The following PLAT variants were observed in gnomAD, a reference collection of about 807,000 sequenced individuals.
PLAT encodes tissue-type plasminogen activator.
PLAT carries 48 observed loss-of-function variants against 74.9 expected under a neutral mutation model. The ratio of observed to expected loss-of-function variants is 0.64; its 90% CI spans 0.51 to 0.82. The LOEUF is 0.82. PLAT is among the 40% of genes least tolerant of loss of function. PLAT has a pLI of 0.00. For missense variants in PLAT, 673 were observed against 736.2 expected, an observed-to-expected ratio of 0.91 and a Z score of 0.99; for synonymous variants, 307 against 294.4, an observed-to-expected ratio of 1.04 and a Z score of -0.44.
chr8:42,189,017 A>G lies in PLAT; in HGVS notation c.170T>C (p.Leu57Pro). 1 of 1,614,102 alleles carries G rather than the reference A, an allele frequency of 6.2e-7. No homozygotes were observed. Among genetic ancestry groups the G allele is most frequent in the Non-Finnish European group, 8.5e-7 (1 of 1,179,950 alleles). The stretch of plus-strand genomic sequence containing the variant: ...CCGGTTGCTTCTGAGCACAGGGCGC[A>G]GCCATGACTGATGTTGCTGGTATAT... ...QMIYQQHQSW[L>P]RPVLRSNRVE... Residue 57 changes from leucine to proline, a missense_variant, in exon 4 of 14, where the codon CTG becomes CCG. Coordinates refer to ENST00000220809, the MANE Select transcript of PLAT (RefSeq NM_000930.5).
intron 1 of PLAT, among the ~76,000 whole-genome samples, chr8:42,204,815 C>T (rs751689640): frequency 9.2e-5 from 14 of 151,570 alleles, no homozygotes; most frequent in Admixed American, 2.6e-4. Flanking sequence ...GTCAGGAGTT[C>T]GAGACCAGCC....
In PLAT at chr8:42,193,110, C is replaced by A. The variant is rs1805748270; in HGVS notation, c.72+4G>T. 6.2e-7 allele frequency: 1 copy of A among 1,609,488 alleles called. No homozygotes were observed. ...GGCGGGACACAGGGATCCTGCACACCAACCTGGCTGGGCGAAACGAAGACT... is the reference window on the plus strand; with the variant it reads ...GGCGGGACACAGGGATCCTGCACACAAACCTGGCTGGGCGAAACGAAGACT... On this transcript the variant is annotated splice_donor_region_variant and intron_variant, in intron 2 of 13. Transcript: ENST00000220809.
Position 42,180,255 on chromosome 8 carries a change from G to C in PLAT, c.1209C>G (p.Tyr403Ter), listed in dbSNP as rs767986898. The change falls in exon 11 of 14, where the codon TAC becomes TAG. Residue 403 changes from tyrosine (Y) to a stop codon, truncating the protein, a stop_gained. Transcript: ENST00000220809. LOFTEE classifies it high-confidence loss of function. ...ACGAGCTCTTACCAATGTCATTGTC[G>C]TAAGTGTCATCATCGAATTCCTTAT... ...IVHKEFDDDT[Y>*]DNDIALLQLK... is the part of the protein sequence containing the mutation. 1.9e-6 allele frequency: 3 copies of C among 1,614,082 alleles called. No individual in the cohort carries two copies. Among genetic ancestry groups the C allele is most frequent in the Non-Finnish European group, 2.5e-6 (3 of 1,180,022 alleles).
At chr8:42,202,374 C>G (rs1806165365) in intron 1 of PLAT, among the ~76,000 whole-genome samples, 1 of 151,930 alleles carries the variant, frequency 6.6e-6, no homozygotes. Context: ...GTTTAGCATC[C>G]CCTCCCAGTC....
intron 9 of PLAT, 122 bp from the exon 10 acceptor site, chr8:42,180,807 C>T: frequency 1.5e-6 from 1 of 678,314 alleles, no homozygotes; most frequent in Non-Finnish European, 2.4e-6. Flanking sequence ...GATCAGCATG[C>T]CGAATGTTGT....
At position 42,193,051 on chromosome 8, in the gene PLAT, C is replaced by T; in HGVS notation, c.72+63G>A. The T allele has an allele frequency of 3.4e-6, 4 of 1,169,046 alleles. No individual in the cohort carries two copies. The East Asian group carries it at 9.3e-5, about 27-fold the overall frequency. The allele number at this position is 1,169,046 out of a possible 1,614,324, so 72.4% of individuals were successfully genotyped here. A position where few individuals can be genotyped will look rare whatever the true frequency, so the allele number is the denominator to read the frequency against. Reference sequence around the variant, plus strand: ...CTCCGTGGCCCAGATGGACACAGACCCCTGGAGCCTCCGGAAGCATCACAG... The same window carrying T: ...CTCCGTGGCCCAGATGGACACAGACTCCTGGAGCCTCCGGAAGCATCACAG... On this transcript the variant is annotated intron_variant, in intron 2 of 13. Coordinates refer to ENST00000220809, the MANE Select transcript of PLAT (RefSeq NM_000930.5).
intron 6 of PLAT, chr8:42,186,949 TATC>T (rs1242887654): frequency 3.2e-5 from 5 of 154,016 alleles, no homozygotes; most frequent in African/African-American, 4.8e-5. Context: ...TCAATCTGTC[TATC>T]ATCTATGTGT....
At chr8:42,185,268 G>A (rs1265640613) in intron 6 of PLAT, 96 bp from the exon 7 acceptor site, 2 of 660,358 alleles carry the variant, frequency 3.0e-6, no homozygotes, top group Non-Finnish European at 5.0e-6. Flanking sequence ...GGAGGAATGG[G>A]GGGTGCTTTT....
intron 9 of PLAT, 116 bp downstream of exon 9, chr8:42,181,821 G>T: frequency 2.0e-6 from 1 of 503,640 alleles, no homozygotes; most frequent in Non-Finnish European, 3.7e-6. Flanking sequence ...CACCCAGCCT[G>T]GAAGTCTGGT....
intron 1 of PLAT, among the ~76,000 whole-genome samples, chr8:42,201,529 C>T (rs1806131199): frequency 6.6e-6 from 1 of 152,190 alleles, no homozygotes; most frequent in South Asian, 2.1e-4. Context: ...AATCCTGCTT[C>T]CTAGATCATC....
At chr8:42,176,333 ACTGT>A (rs1379851754) in intron 13 of PLAT, among the ~76,000 whole-genome samples, 182 bp from the exon 14 acceptor site, 5 of 152,248 alleles carry the variant, frequency 3.3e-5, no homozygotes, top group Admixed American at 2.0e-4. Flanking sequence ...GTCTGGGGAC[ACTGT>A]CTGCCTGGGT....
intron 1 of PLAT, among the ~76,000 whole-genome samples, chr8:42,195,312 G>A (rs1805865782): frequency 2.0e-5 from 3 of 152,174 alleles, no homozygotes; most frequent in Non-Finnish European, 4.4e-5. Context: ...GTCAGGCAGA[G>A]GAGCTTAGGG....
chr8:42,193,525 A>G (rs935225359), intron 1 of PLAT: 4 of 233,838 alleles, frequency 1.7e-5, no homozygotes, highest in Non-Finnish European at 3.4e-5. Context: ...CCTAACTGAA[A>G]CTCTGTAGCC....
chr8:42,194,619 C>T lies in PLAT; in HGVS notation c.-26-1408G>A, dbSNP rs369908674. On this transcript the variant is annotated intron_variant, in intron 1 of 13. Transcript: ENST00000220809. ...TGCCCTGGGCTTGACTAGATGGAGC[C>T]GCAGTCATGTCCTCTTGGACTTCTG... 3.9e-5 allele frequency among the ~76,000 whole-genome samples: 6 copies of T among 152,150 alleles called. No homozygotes were observed. The East Asian group carries it at 7.7e-4, about 20-fold the overall frequency.
chr8:42,176,118 C>T lies in PLAT; in HGVS notation c.1564G>A (p.Asp522Asn), dbSNP rs1320916062. ...ATGCCCACCAAAGTCATGCGGCCAT[C>T]GTTCAGACACACCAGGGGGCCTCCC... ...DSGGPLVCLN[D>N]GRMTLVGIIS... The change falls in exon 14 of 14, where the codon GAT (aspartate) becomes AAT (asparagine). Residue 522 changes from aspartate (D) to asparagine (N), a missense_variant. By Grantham distance (23) the Asp-to-Asn change is conservative. Transcript: ENST00000220809. The T allele has an allele frequency of 1.3e-5, 21 of 1,613,824 alleles. No individual in the cohort carries two copies. The highest frequency in any genetic ancestry group is 2.7e-5 in the African/African-American group (2 of 74,928).
At chr8:42,186,888 T>TTATC (rs55698589) in intron 6 of PLAT, 87,150 of 151,232 alleles carry the variant, frequency 0.58, 25,280 homozygotes, top group Admixed American at 0.67. Flanking sequence ...CTATTTATCA[T>TTATC]TATCATCTAT....
intron 7 of PLAT, 39 bp downstream of exon 7, chr8:42,185,042 C>G: frequency 5.0e-6 from 7 of 1,402,342 alleles, no homozygotes; most frequent in Non-Finnish European, 6.9e-6. Context: ...TTTCCTCCCC[C>G]AGGGACATTC....
chr8:42,192,450 G>A (rs1805724027), intron 2 of PLAT, among the ~76,000 whole-genome samples: 1 of 152,160 alleles, frequency 6.6e-6, no homozygotes, highest in African/African-American at 2.4e-5. Context: ...GGAGGCCAAG[G>A]CTTAAGCCTA....
rs753868871 is a variant in PLAT at position 42,180,293 on chromosome 8, T to C, written c.1171A>G (p.Lys391Glu). The C allele has an allele frequency of 1.2e-6, 2 of 1,614,112 alleles. No homozygotes were observed. The highest frequency in any genetic ancestry group is 3.3e-5 in the Admixed American group (2 of 60,008). The stretch of plus-strand genomic sequence containing the variant: ...TCGAATTCCTTATGGACAATGTATT[T>C]TTCGACTTCAAATTTCTGCTCCTCC... Reference protein sequence around the residue: ...GEEEQKFEVEKYIVHKEFDDD... With the variant: ...GEEEQKFEVEEYIVHKEFDDD... The change falls in exon 11 of 14, where the codon AAA becomes GAA. Residue 391 changes from lysine (K) to glutamate (E), a missense_variant. Physicochemically the swap from Lys to Glu is moderately conservative, Grantham distance 56. Transcript: ENST00000220809.
Sources: allele counts gnomAD v4.1 joint callset (sites outside exome capture counted in the v4.1 genomes callset), GRCh38; gene constraint gnomAD v4.1.1; transcripts MANE v1.5; gene names NCBI Gene and HGNC (gene_info 2026-07-23, HGNC 2026-07-21).